SCD5: variants seen among roughly 807,000 people sequenced by gnomAD.
SCD5 encodes the protein acyl-CoA-desaturase 4.
A neutral mutation model predicts 30.4 loss-of-function variants in SCD5; 20 were observed. That is an observed-to-expected ratio of 0.66 (90% confidence interval 0.46 to 0.96). The LOEUF (loss-of-function observed/expected upper bound fraction) is 0.96. Ranked by LOEUF, SCD5 falls within the 40% of genes least tolerant of loss-of-function variation. The pLI is 0.00. For synonymous variants in SCD5, 173 were observed against 176.4 expected (o/e 0.98, Z 0.16); for missense variants, 381 against 443.3 (o/e 0.86, Z 1.26).
chr4:82,777,201 A>T (rs1721761534), intron 1 of SCD5, among the ~76,000 whole-genome samples: 1 of 152,238 alleles, frequency 6.6e-6, no homozygotes, highest in African/African-American at 2.4e-5. Context: ...ACAGATGAAG[A>T]ACTGAGATGG....
intron 3 of SCD5, among the ~76,000 whole-genome samples, chr4:82,666,751 T>C (rs1200319588): frequency 6.6e-6 from 1 of 152,176 alleles, no homozygotes; most frequent in East Asian, 1.9e-4. Context: ...AAAGTAGCAT[T>C]TTACTAAAGA....
rs139818359 is a variant in SCD5, at chr4:82,631,489, G to A, written c.831C>T (p.Thr277=). ...CACTCGCAGAGTAGTCAAAGGGAAA[G>A]GTGTGATGGTAATTATGGAAGCCTT... The part of the protein sequence containing the change: ...IGEGFHNYHH[T]FPFDYSASEF... Residue 277 remains threonine, a synonymous_variant, in exon 5 of 5, where the codon ACC becomes ACT. Transcript: ENST00000319540. 5 of 1,614,138 alleles carry A rather than the reference G, an allele frequency of 3.1e-6. No individual in the cohort carries two copies. In the African/African-American group the frequency reaches 4.0e-5, roughly 13 times the overall value.
At chr4:82,684,165 A>G (rs970167685) in intron 2 of SCD5, among the ~76,000 whole-genome samples, 2 of 152,242 alleles carry the variant, frequency 1.3e-5, no homozygotes, top group African/African-American at 2.4e-5. Flanking sequence ...ATACCTTTCC[A>G]ACAGAAGCTA....
chr4:82,631,126 A>C lies in SCD5; in HGVS notation c.*201T>G, dbSNP rs952294937. The C allele has an allele frequency of 6.6e-6, 2 of 302,760 alleles. No homozygotes were observed. The highest frequency in any genetic ancestry group is 1.2e-4 in the Admixed American group (2 of 16,634). 18.8% of individuals were successfully genotyped at this position (302,760 alleles called of 1,614,324 possible). On this transcript the variant is annotated 3_prime_UTR_variant, in exon 5 of 5. Transcript: ENST00000319540. ...ACTCTGTCTCAAAAACAAAACAAACAAAAAAAAAAACGAAAGTTTTTTCAT... is the reference window on the plus strand; with the variant it reads ...ACTCTGTCTCAAAAACAAAACAAACCAAAAAAAAAACGAAAGTTTTTTCAT...
intron 3 of SCD5, among the ~76,000 whole-genome samples, chr4:82,672,732 CAA>C (rs1728354720): frequency 6.6e-6 from 1 of 152,046 alleles, no homozygotes; most frequent in South Asian, 2.1e-4. Context: ...TCAAACAAGA[CAA>C]AGATATTATA....
At chr4:82,665,027 TAC>T (rs36067892) in intron 3 of SCD5, among the ~76,000 whole-genome samples, 5 of 32,800 alleles carry the variant, frequency 1.5e-4, no homozygotes, top group East Asian at 3.7e-3. Flanking sequence ...ATATGTATAA[TAC>T]ACACACACAC....
chr4:82,782,845 T>C (rs1721901817), intron 1 of SCD5, among the ~76,000 whole-genome samples: 1 of 152,128 alleles, frequency 6.6e-6, no homozygotes, highest in South Asian at 2.1e-4. Flanking sequence ...ATGCCTAAAA[T>C]TGCACCTGTT....
At chr4:82,777,754 G>A (rs1452868851) in intron 1 of SCD5, among the ~76,000 whole-genome samples, 1 of 152,142 alleles carries the variant, frequency 6.6e-6, no homozygotes, top group Non-Finnish European at 1.5e-5. Flanking sequence ...TTCCTGTGGG[G>A]CCAGGATTCT....
rs1451061521 is a variant in SCD5 at position 82,630,480 on chromosome 4, T to C, written c.*847A>G. 1 of 152,190 alleles carries C rather than the reference T, an allele frequency of 6.6e-6. No individual in the cohort carries two copies. 9.4% of individuals were successfully genotyped at this position (152,190 alleles called of 1,614,324 possible). On this transcript the variant is annotated 3_prime_UTR_variant, in exon 5 of 5. Transcript: ENST00000319540. ...TTGTTTAAAAGCAATGATGGGTTAA[T>C]TGGTAGAAAAGAAAACAAATGCTCT...
At chr4:82,722,985 G>C (rs1032885733) in intron 1 of SCD5, among the ~76,000 whole-genome samples, 3 of 149,884 alleles carry the variant, frequency 2.0e-5, no homozygotes, top group African/African-American at 7.4e-5. Context: ...GCTGAGGCAG[G>C]AGAATCGCTT....
intron 2 of SCD5, chr4:82,698,077 T>A: frequency 2.2e-6 from 1 of 456,680 alleles, no homozygotes; most frequent in South Asian, 1.5e-5. Flanking sequence ...CCACTTCTGC[T>A]GCTGCCTGTT....
chr4:82,675,654 C>T (rs1728421232), intron 3 of SCD5, among the ~76,000 whole-genome samples: 2 of 152,146 alleles, frequency 1.3e-5, no homozygotes, highest in Non-Finnish European at 1.5e-5. Flanking sequence ...TACATGTAAC[C>T]TCTAGAGGAA....
In SCD5 at chr4:82,668,370, T is replaced by C. The variant is rs567281750; in HGVS notation, c.569+12337A>G. On this transcript the variant is annotated intron_variant, in intron 3 of 4. Coordinates refer to ENST00000319540, the MANE Select transcript of SCD5 (RefSeq NM_001037582.3). ...GTAGAGAGAGGGGCCCAGTCAGGCA[T>C]TGGGCAGATGTGTGCTGGAGTTTCC... Among the ~76,000 whole-genome samples the C allele has an allele frequency of 5.9e-5, 9 of 152,160 alleles. No homozygotes were observed. The East Asian group carries it at 1.4e-3, about 23-fold the overall frequency.
chr4:82,791,244 A>G (rs1722094039), intron 1 of SCD5, among the ~76,000 whole-genome samples: 1 of 152,132 alleles, frequency 6.6e-6, no homozygotes, highest in African/African-American at 2.4e-5. Flanking sequence ...TCTCAAAAAA[A>G]AAAAGATTAG....
At chr4:82,750,299 T>G (rs531592778) in intron 1 of SCD5, among the ~76,000 whole-genome samples, 1 of 152,318 alleles carries the variant, frequency 6.6e-6, no homozygotes, top group South Asian at 2.1e-4. Context: ...CCTCTGTGTT[T>G]AAAGTAGCTG....
chr4:82,642,281 T>A (rs893499919), intron 3 of SCD5, among the ~76,000 whole-genome samples: 38 of 152,112 alleles, frequency 2.5e-4, no homozygotes, highest in African/African-American at 9.2e-4. Flanking sequence ...GTCTGATGCC[T>A]CTAGTATAAC....
chr4:82,684,049 A>T (rs1728642735), intron 2 of SCD5, among the ~76,000 whole-genome samples: 3 of 152,242 alleles, frequency 2.0e-5, no homozygotes, highest in South Asian at 4.1e-4. Flanking sequence ...AAATAGCTAG[A>T]AACATTATTC....
intron 4 of SCD5, among the ~76,000 whole-genome samples, chr4:82,635,619 T>TTAA (rs373925269): frequency 8.7e-6 from 1 of 114,498 alleles, no homozygotes; most frequent in African/African-American, 3.6e-5. Context: ...GACTCCGTCT[T>TTAA]AAAAAAAAAA....
intron 1 of SCD5, among the ~76,000 whole-genome samples, chr4:82,724,470 A>C (rs61520134): frequency 1.3e-5 from 2 of 151,772 alleles, no homozygotes; most frequent in Non-Finnish European, 2.9e-5. Context: ...ATAAATAAAT[A>C]AAACAGACCT....
Sources: allele counts gnomAD v4.1 joint callset (sites outside exome capture counted in the v4.1 genomes callset), GRCh38; gene constraint gnomAD v4.1.1; transcripts MANE v1.5; gene names NCBI Gene and HGNC (gene_info 2026-07-23, HGNC 2026-07-21).